Variants in CCBE1 observed in about 807,000 individuals in gnomAD.
The protein encoded by CCBE1 is collagen and calcium-binding EGF domain-containing protein 1.
In CCBE1, 37 loss-of-function variants were observed where a neutral mutation model predicts 50.0. The observed-to-expected ratio is 0.74, with a 90% CI of 0.57 to 0.97. CCBE1 has a LOEUF of 0.97. CCBE1 is among the 50% of genes least tolerant of loss of function. CCBE1 has a pLI of 0.00. For missense variants in CCBE1, 538 were observed against 523.8 expected (o/e 1.03, Z -0.26); for synonymous variants, 234 against 203.7 (o/e 1.15, Z -1.27).
At chr18:59,488,881 C>A (rs9944781) in intron 2 of CCBE1, among the ~76,000 whole-genome samples, 2 of 151,958 alleles carry the variant, frequency 1.3e-5, no homozygotes, top group African/African-American at 2.4e-5. Flanking sequence ...GTGTCTCCCC[C>A]ACCGAGCCCA....
intron 2 of CCBE1, among the ~76,000 whole-genome samples, chr18:59,504,836 GCGAC>G (rs1173211914): frequency 1.5e-4 from 23 of 152,166 alleles, no homozygotes; most frequent in African/African-American, 5.3e-4. Context: ...CAAGCACACA[GCGAC>G]CTCCTCTCCC....
chr18:59,646,328 G>A (rs996253494), intron 2 of CCBE1, among the ~76,000 whole-genome samples: 1 of 152,212 alleles, frequency 6.6e-6, no homozygotes, highest in African/African-American at 2.4e-5. Flanking sequence ...ATGGGAGCAG[G>A]ACTAGATTGT....
intron 2 of CCBE1, among the ~76,000 whole-genome samples, chr18:59,687,302 C>T (rs1373041883): frequency 6.6e-6 from 1 of 152,142 alleles, no homozygotes; most frequent in East Asian, 1.9e-4. Flanking sequence ...CTAAGTTTAG[C>T]CTACTTAAGT....
chr18:59,517,997 C>A (rs2144317010), intron 2 of CCBE1, among the ~76,000 whole-genome samples: 1 of 152,218 alleles, frequency 6.6e-6, no homozygotes, highest in Non-Finnish European at 1.5e-5. Context: ...CCCAGCTGGG[C>A]AATTCTCTGG....
intron 2 of CCBE1, among the ~76,000 whole-genome samples, chr18:59,657,869 CAACAACAACA>C (rs200241703): frequency 0.074 from 11,122 of 151,290 alleles, 809 homozygotes; most frequent in African/African-American, 0.19. Flanking sequence ...CCAGCCTGGG[CAACAACAACA>C]AACAACAACA....
intron 7 of CCBE1, 106 bp downstream of exon 7, chr18:59,447,877 C>G: frequency 6.4e-7 from 1 of 1,560,522 alleles, no homozygotes; most frequent in Admixed American, 1.7e-5. Flanking sequence ...TGCCTTGTTT[C>G]TCCTCGATGG....
chr18:59,482,742 C>T (rs1912631260), intron 2 of CCBE1, among the ~76,000 whole-genome samples: 1 of 151,982 alleles, frequency 6.6e-6, no homozygotes, highest in African/African-American at 2.4e-5. Flanking sequence ...TCATTGTCTC[C>T]TGCTCGCATT....
At chr18:59,560,946 G>T (rs1178591794) in intron 2 of CCBE1, among the ~76,000 whole-genome samples, 4 of 152,224 alleles carry the variant, frequency 2.6e-5, no homozygotes, top group Non-Finnish European at 5.9e-5. Context: ...CCTAATGCAA[G>T]ATAAGGCCAT....
At chr18:59,524,752 ACAC>A in intron 2 of CCBE1, among the ~76,000 whole-genome samples, 1 of 65,984 alleles carries the variant, frequency 1.5e-5, no homozygotes, top group Middle Eastern at 7.1e-3. Flanking sequence ...ATGCTCTCCC[ACAC>A]CCCTCGATAG....
At chr18:59,440,905 G>A (rs559162112) in intron 7 of CCBE1, among the ~76,000 whole-genome samples, 86 of 152,330 alleles carry the variant, frequency 5.6e-4, no homozygotes, top group African/African-American at 1.9e-3. Flanking sequence ...ACAGGTGTGT[G>A]TGTAGGGGCT....
chr18:59,482,944 C>T (rs920056151), intron 2 of CCBE1, among the ~76,000 whole-genome samples: 1 of 148,868 alleles, frequency 6.7e-6, no homozygotes, highest in Admixed American at 6.8e-5. Flanking sequence ...GTCATTCCTA[C>T]TGCAACATCA....
rs66482821 is a variant in CCBE1, at chr18:59,431,481, TG to T, written c.*4426del. 85,293 of 151,954 alleles carry T rather than the reference TG, an allele frequency of 0.56. 24,008 individuals are homozygous for T. The highest frequency in any genetic ancestry group is 0.69 in the East Asian group (3,550 of 5,148). The allele number at this position is 151,954 out of a possible 1,614,324, so 9.4% of individuals were successfully genotyped here. ...AGAATGAGGCTGCTGTGGTTGTTTC[TG>T]GGGCACAGGCTGAGAAGTGGGGAGA... On this transcript the variant is annotated 3_prime_UTR_variant, in exon 11 of 11. Coordinates refer to ENST00000439986, the MANE Select transcript of CCBE1 (RefSeq NM_133459.4).
chr18:59,683,541 C>CA (rs888120157), intron 2 of CCBE1, among the ~76,000 whole-genome samples: 3 of 151,606 alleles, frequency 2.0e-5, no homozygotes, highest in Admixed American at 6.6e-5. Context: ...ACTAAAAATA[C>CA]AAAAAAATTA....
In CCBE1 at chr18:59,692,955, A is replaced by AACACACACACACACAC. The variant is rs1568276448; in HGVS notation, c.212+3673_212+3674insGTGTGTGTGTGTGTGT. Among the ~76,000 whole-genome samples, 6 of 143,180 alleles carry AACACACACACACACAC rather than the reference A, an allele frequency of 4.2e-5. No individual in the cohort carries two copies. In the East Asian group the frequency reaches 1.3e-3, roughly 30 times the overall value. The allele number at this position is 143,180 out of a possible 152,430, so 93.9% of individuals were successfully genotyped here. Reference sequence around the variant, plus strand: ...TAAAAGAACCACTTTGTCAAGCCAAAGCACACACACACACACACACACACA... The same window carrying AACACACACACACACAC: ...TAAAAGAACCACTTTGTCAAGCCAAAACACACACACACACACGCACACACACACACACACACACACA... On this transcript the variant is annotated intron_variant, in intron 2 of 10. Coordinates refer to ENST00000439986, the MANE Select transcript of CCBE1 (RefSeq NM_133459.4).
chr18:59,612,732 C>T (rs183614097), intron 2 of CCBE1, among the ~76,000 whole-genome samples: 1 of 152,116 alleles, frequency 6.6e-6, no homozygotes, highest in East Asian at 1.9e-4. Context: ...GGAGCCGCCC[C>T]ATGCAGACAA....
chr18:59,651,866 G>A (rs1339104241), intron 2 of CCBE1, among the ~76,000 whole-genome samples: 1 of 152,216 alleles, frequency 6.6e-6, no homozygotes, highest in Admixed American at 6.5e-5. Flanking sequence ...CACATATACA[G>A]TGTGTAGCAA....
intron 2 of CCBE1, among the ~76,000 whole-genome samples, chr18:59,549,085 A>G (rs1915818566): frequency 6.9e-6 from 1 of 145,234 alleles, no homozygotes; most frequent in South Asian, 2.3e-4. Flanking sequence ...CCTGGGCAAC[A>G]GAATAAGACT....
intron 2 of CCBE1, among the ~76,000 whole-genome samples, chr18:59,515,114 A>G (rs1358322637): frequency 6.6e-6 from 1 of 152,244 alleles, no homozygotes; most frequent in African/African-American, 2.4e-5. Context: ...GCAGAGGTGC[A>G]ACAACAAGAA....
chr18:59,696,367 C>T, intron 2 of CCBE1: 1 of 829,564 alleles, frequency 1.2e-6, no homozygotes. Flanking sequence ...CACAGACTTC[C>T]ACACAAGTAT....
Sources: gnomAD v4.1 joint callset for allele counts (sites outside exome capture counted in the v4.1 genomes callset) on GRCh38, gnomAD v4.1.1 for gene constraint, MANE v1.5 for transcripts, NCBI Gene and HGNC (gene_info 2026-07-23, HGNC 2026-07-21) for gene names.